The following PDE4B variants were observed in gnomAD, a reference collection of about 807,000 sequenced individuals.
PDE4B encodes the protein phosphodiesterase 4B.
Under a neutral mutation model 82.2 loss-of-function variants are expected in PDE4B, and 20 were observed. The observed-to-expected ratio is 0.24, with a 90% CI of 0.17 to 0.35. PDE4B has a LOEUF of 0.35. Ranked by LOEUF, PDE4B falls within the 10% of genes least tolerant of loss-of-function variation. The pLI, the probability that PDE4B is intolerant of heterozygous loss-of-function variation, is 1.00. For synonymous variants in PDE4B, 320 were observed against 318.9 expected, an observed-to-expected ratio of 1.00 and a Z score of -0.04; for missense variants, 655 against 907.2, an observed-to-expected ratio of 0.72 and a Z score of 3.57.
intron 1 of PDE4B, among the ~76,000 whole-genome samples, chr1:65,912,359 C>T (rs952415001): frequency 6.6e-6 from 1 of 152,058 alleles, no homozygotes; most frequent in Non-Finnish European, 1.5e-5. Context: ...AGACAGTGCC[C>T]AATAGATACT....
At chr1:66,212,715 A>G (rs1231762496) in intron 3 of PDE4B, among the ~76,000 whole-genome samples, 4 of 152,232 alleles carry the variant, frequency 2.6e-5, no homozygotes, top group African/African-American at 7.2e-5. Context: ...TAAACATTCA[A>G]TGAACTGACC....
intron 1 of PDE4B, among the ~76,000 whole-genome samples, chr1:65,822,664 G>A (rs935654729): frequency 6.6e-6 from 1 of 152,062 alleles, no homozygotes; most frequent in Admixed American, 6.6e-5. Flanking sequence ...AGGGCTGGAG[G>A]GACCTAGCTA....
chr1:66,128,007 T>C (rs1645859553), intron 3 of PDE4B, among the ~76,000 whole-genome samples: 1 of 152,198 alleles, frequency 6.6e-6, no homozygotes, highest in African/African-American at 2.4e-5. Context: ...ATACTTTAAA[T>C]CATGTAAATG....
intron 3 of PDE4B, among the ~76,000 whole-genome samples, chr1:65,980,733 A>G (rs998800841): frequency 6.6e-6 from 1 of 152,316 alleles, no homozygotes; most frequent in African/African-American, 2.4e-5. Flanking sequence ...CCCAGAAATG[A>G]TGCTAGACAC....
intron 6 of PDE4B, among the ~76,000 whole-genome samples, chr1:66,263,493 C>A (rs1282666221): frequency 6.6e-6 from 1 of 152,182 alleles, no homozygotes; most frequent in Non-Finnish European, 1.5e-5. Flanking sequence ...ACTTTCACAT[C>A]AGTGGGTTAT....
intron 7 of PDE4B, among the ~76,000 whole-genome samples, chr1:66,268,201 A>G (rs1332400470): frequency 2.6e-5 from 4 of 152,236 alleles, no homozygotes; most frequent in African/African-American, 9.7e-5. Flanking sequence ...AGAGAGAGAG[A>G]GAAATACCAA....
At chr1:65,911,379 TATC>T (rs755801000) in intron 1 of PDE4B, among the ~76,000 whole-genome samples, 2 of 152,328 alleles carry the variant, frequency 1.3e-5, no homozygotes, top group East Asian at 1.9e-4. Context: ...ATTCTTCCAT[TATC>T]ATCATTTCAC....
At chr1:65,918,867 A>T (rs767753502) in intron 3 of PDE4B, 32 bp downstream of exon 3, 1 of 1,313,560 alleles carries the variant, frequency 7.6e-7, no homozygotes, top group African/African-American at 1.4e-5. Context: ...TGTCAATTCT[A>T]AATTTTTATT....
At position 66,279,034 on chromosome 1, in the gene PDE4B, C is replaced by T. The variant is rs543012952; in HGVS notation, c.634+12947C>T. Among the ~76,000 whole-genome samples, 20 of 152,270 alleles carry T rather than the reference C, an allele frequency of 1.3e-4. No homozygotes were observed. In the South Asian group the frequency reaches 4.1e-3, roughly 32 times the overall value. ...CAAGTTTAGGCAGTCTGGCTTTCCT[C>T]ATCCACAGAGCAAGGCCTTCCCCTG... On this transcript the variant is annotated intron_variant, in intron 7 of 16. Transcript: ENST00000341517.
chr1:65,834,780 G>A (rs1443700749), intron 1 of PDE4B, among the ~76,000 whole-genome samples: 5 of 152,108 alleles, frequency 3.3e-5, no homozygotes, highest in Non-Finnish European at 7.4e-5. Flanking sequence ...CACTTCCTGG[G>A]TTGTACTGGT....
chr1:65,887,246 CTTTTCTTTCTTTCT>C (rs1557799033), intron 1 of PDE4B, among the ~76,000 whole-genome samples: 11 of 21,642 alleles, frequency 5.1e-4, no homozygotes, highest in Admixed American at 1.6e-3. Flanking sequence ...TTCTTTCTTT[CTTTTCTTTCTTTCT>C]TTCCTTCCTT....
In PDE4B at chr1:66,247,524, G is replaced by A. The variant is rs751520439; in HGVS notation, c.346G>A (p.Ala116Thr). The A allele has an allele frequency of 1.3e-5, 21 of 1,611,436 alleles. No homozygotes were observed. The East Asian group carries it at 2.2e-4, about 17-fold the overall frequency. The change falls in exon 4 of 17, where the codon GCT (alanine) becomes ACT (threonine). Residue 116 changes from alanine (A) to threonine (T), a missense_variant. This residue lies in a region of PDE4B where 253 missense variants were observed against 275.6 expected (regional missense o/e 0.92). Coordinates refer to ENST00000341517, the MANE Select transcript of PDE4B (RefSeq NM_002600.4). ...SPLDPQASSS[A>T]GLVLHATFPG... ...ACTGGATCCCCAGGCCAGCTCTTCCGCTGGGCTGGTACTTCACGCCACCTT... is the reference window on the plus strand; with the variant it reads ...ACTGGATCCCCAGGCCAGCTCTTCCACTGGGCTGGTACTTCACGCCACCTT...
At chr1:66,115,785 G>A (rs1645583010) in intron 3 of PDE4B, among the ~76,000 whole-genome samples, 1 of 152,170 alleles carries the variant, frequency 6.6e-6, no homozygotes, top group African/African-American at 2.4e-5. Flanking sequence ...TTGATAAAAT[G>A]GCCTTGTTTT....
chr1:66,293,007 C>T (rs1657209519), intron 7 of PDE4B, among the ~76,000 whole-genome samples: 2 of 152,176 alleles, frequency 1.3e-5, no homozygotes, highest in Admixed American at 1.3e-4. Flanking sequence ...GCAGCCCAGA[C>T]CTGCCATTAT....
intron 3 of PDE4B, among the ~76,000 whole-genome samples, chr1:66,006,118 T>C (rs1388807508): frequency 6.6e-6 from 1 of 152,170 alleles, no homozygotes; most frequent in East Asian, 1.9e-4. Context: ...CATTAATGAA[T>C]TTTGTATTTT....
intron 16 of PDE4B, among the ~76,000 whole-genome samples, 172 bp from the exon 17 acceptor site, chr1:66,372,141 C>T (rs771276659): frequency 6.6e-6 from 1 of 152,184 alleles, no homozygotes; most frequent in Non-Finnish European, 1.5e-5. Context: ...GAGAATACAT[C>T]GATTGCATTC....
intron 7 of PDE4B, among the ~76,000 whole-genome samples, chr1:66,327,201 G>A (rs569827211): frequency 1.3e-5 from 2 of 152,142 alleles, no homozygotes; most frequent in African/African-American, 4.8e-5. Context: ...TACTAGATTG[G>A]CATTTAAAAA....
At chr1:66,220,246 C>G (rs146237350) in intron 3 of PDE4B, among the ~76,000 whole-genome samples, 1 of 152,248 alleles carries the variant, frequency 6.6e-6, no homozygotes, top group East Asian at 1.9e-4. Context: ...GCTCTTTGAT[C>G]CCCTCTACTT....
chr1:66,312,300 T>A (rs1173405341), intron 7 of PDE4B, among the ~76,000 whole-genome samples: 2 of 152,192 alleles, frequency 1.3e-5, no homozygotes, highest in African/African-American at 2.4e-5. Flanking sequence ...TACACAAACT[T>A]AGTGGCTTAA....
Sources: allele counts gnomAD v4.1 joint callset (sites outside exome capture counted in the v4.1 genomes callset), GRCh38; gene constraint gnomAD v4.1.1; regional missense constraint gnomAD v4.1.1; transcripts MANE v1.5; gene names NCBI Gene and HGNC (gene_info 2026-07-23, HGNC 2026-07-21).